The following ISM1 variants were observed in gnomAD, a reference collection of about 807,000 sequenced individuals.
ISM1 encodes the protein isthmin 1.
A neutral mutation model predicts 46.3 loss-of-function variants in ISM1; 25 were observed. The ratio of observed to expected loss-of-function variants is 0.54; its 90% CI spans 0.39 to 0.75. The LOEUF (loss-of-function observed/expected upper bound fraction) is 0.75. Among genes scored for constraint, ISM1 ranks in the 30% least tolerant of loss-of-function variants. ISM1 has a pLI of 0.00. For synonymous variants in ISM1, 255 were observed against 256.7 expected (o/e 0.99, Z 0.06); for missense variants, 536 against 625.4 (o/e 0.86, Z 1.52).
chr20:13,297,962 T>G (rs2040422607), intron 5 of ISM1, among the ~76,000 whole-genome samples: 2 of 152,276 alleles, frequency 1.3e-5, no homozygotes, highest in Non-Finnish European at 1.5e-5. Flanking sequence ...ACAGCGATGG[T>G]TACATGCCTA....
chr20:13,257,573 A>ATCAG lies in ISM1; in HGVS notation c.139-12929_139-12926dup, dbSNP rs540340449. 1.5e-3 allele frequency among the ~76,000 whole-genome samples: 234 copies of ATCAG among 152,232 alleles called. 1 individual carries two copies. The highest frequency in any genetic ancestry group is 5.2e-3 in the African/African-American group (215 of 41,540). On this transcript the variant is annotated intron_variant, in intron 1 of 5. Transcript: ENST00000262487. ...TCATTCCTAACTTCTCCCCTCTCGAATCAGTGATAATCCATTGTTTTTATC... is the reference window on the plus strand; with the variant it reads ...TCATTCCTAACTTCTCCCCTCTCGAATCAGTCAGTGATAATCCATTGTTTTTATC...
intron 1 of ISM1, among the ~76,000 whole-genome samples, chr20:13,225,938 G>A (rs953433780): frequency 7.2e-5 from 11 of 151,990 alleles, no homozygotes; most frequent in African/African-American, 2.7e-4. Flanking sequence ...AGAATCCATA[G>A]GCAATAATAG....
At chr20:13,274,876 G>C (rs1335009535) in intron 2 of ISM1, among the ~76,000 whole-genome samples, 1 of 152,112 alleles carries the variant, frequency 6.6e-6, no homozygotes, top group African/African-American at 2.4e-5. Flanking sequence ...GAACAAAAAT[G>C]GTCTCAGACT....
Position 13,299,081 on chromosome 20 carries a change from C to T in ISM1, c.1017C>T (p.Asp339=), listed in dbSNP as rs1367806584. Residue 339 remains aspartate (D), a synonymous_variant, in exon 6 of 6, where the codon GAC becomes GAT. Transcript: ENST00000262487. This position sits in a 1 kb window ranked among gnomAD's most constrained non-coding sequence, Gnocchi z 5.8. ...CCTACAGCACGGCCGACATCTTCGA[C>T]CGCATCAAGCGCAAGGACTTCCGCT... ...EVAYSTADIF[D]RIKRKDFRWK... The T allele has an allele frequency of 5.6e-6, 9 of 1,613,830 alleles. No homozygotes were observed. Among genetic ancestry groups the T allele is most frequent in the Non-Finnish European group, 7.6e-6 (9 of 1,179,838 alleles).
chr20:13,286,612 C>A (rs945093187), intron 3 of ISM1, among the ~76,000 whole-genome samples: 12 of 152,252 alleles, frequency 7.9e-5, no homozygotes, highest in African/African-American at 2.9e-4. Context: ...GGAGCAAGCT[C>A]TCCACTCAGA....
At chr20:13,240,266 A>C (rs2039704115) in intron 1 of ISM1, among the ~76,000 whole-genome samples, 1 of 152,248 alleles carries the variant, frequency 6.6e-6, no homozygotes, top group Non-Finnish European at 1.5e-5. Flanking sequence ...TTGATTCAGA[A>C]TAAAGGAATT....
At position 13,299,147 on chromosome 20, in the gene ISM1, C is replaced by T. The variant is rs759050270; in HGVS notation, c.1083C>T (p.Tyr361=). 1.9e-6 allele frequency: 3 copies of T among 1,612,368 alleles called. No homozygotes were observed. The Admixed American group carries it at 5.0e-5, about 27-fold the overall frequency. Residue 361 remains tyrosine, a synonymous_variant, in exon 6 of 6, where the codon TAC becomes TAT. Coordinates refer to ENST00000262487, the MANE Select transcript of ISM1 (RefSeq NM_080826.2). The surrounding 1 kb of genome is among the most constrained non-coding windows in gnomAD (Gnocchi z 5.8). ...GGCCCAAGGAGAAGCTGGAGATCTA[C>T]AAGCCCACTGCCCGGTACTGCATCC... The part of the protein sequence containing the change: ...ASGPKEKLEI[Y]KPTARYCIRS...
At chr20:13,232,149 TA>T (rs1164827764) in intron 1 of ISM1, among the ~76,000 whole-genome samples, 3 of 152,212 alleles carry the variant, frequency 2.0e-5, no homozygotes, top group African/African-American at 7.2e-5. Context: ...ATTTTATTAT[TA>T]TTTTTTTAAA....
At chr20:13,309,689 C>T in the ISM1 span, among the ~76,000 whole-genome samples, 758 of 152,152 alleles carry the variant, frequency 5.0e-3, 10 homozygotes, top group African/African-American at 0.017. Flanking sequence ...ATCTTATATT[C>T]AGAAAATCCT....
chr20:13,224,005 G>C (rs6041962), intron 1 of ISM1, among the ~76,000 whole-genome samples: 1 of 152,138 alleles, frequency 6.6e-6, no homozygotes, highest in East Asian at 1.9e-4. Context: ...AGTTCTAAAA[G>C]GGAAGTGGAC....
In ISM1 at chr20:13,299,627, G is replaced by A. The variant is rs1336076222; in HGVS notation, c.*168G>A. 5.8e-6 allele frequency: 4 copies of A among 689,022 alleles called. No individual in the cohort carries two copies. The highest frequency in any genetic ancestry group is 2.3e-5 in the South Asian group (1 of 42,688). 42.7% of individuals were successfully genotyped at this position (689,022 alleles called of 1,614,324 possible). A position where few individuals can be genotyped will look rare whatever the true frequency, so the allele number is the denominator to read the frequency against. On this transcript the variant is annotated 3_prime_UTR_variant, in exon 6 of 6. Coordinates refer to ENST00000262487, the MANE Select transcript of ISM1 (RefSeq NM_080826.2). The surrounding 1 kb of genome is among the most constrained non-coding windows in gnomAD (Gnocchi z 5.8). ...GCTAGGGGCGTGTGCCACGCCCAGG[G>A]GACTGCCTTGTGAAGCCGCCCTCGC... is the stretch of plus-strand genomic sequence containing the variant.
chr20:13,324,129 G>C, the ISM1 span, among the ~76,000 whole-genome samples: 1 of 152,168 alleles, frequency 6.6e-6, no homozygotes, highest in East Asian at 1.9e-4. Flanking sequence ...ACTATCCCTG[G>C]GACCTAGCTG....
Position 13,298,943 on chromosome 20 carries a change from CACAG to C in ISM1, c.884_887del (p.Asp295AlafsTer6). ...GGGTTTCTCTTTGGCCTTTTCCAGA[CACAG>C]ACAGCTGTGAGCGCTGGATGAGCTG... On this transcript the variant is annotated frameshift_variant and splice_region_variant, in exon 6 of 6. Coordinates refer to ENST00000262487, the MANE Select transcript of ISM1 (RefSeq NM_080826.2). LOFTEE classifies it high-confidence loss of function. 1 of 1,612,710 alleles carries C rather than the reference CACAG, an allele frequency of 6.2e-7. No individual in the cohort carries two copies. Among genetic ancestry groups the C allele is most frequent in the South Asian group, 1.1e-5 (1 of 90,792 alleles).
chr20:13,305,219 A>G (rs1027123284), downstream of ISM1, among the ~76,000 whole-genome samples: 1 of 132,622 alleles, frequency 7.5e-6, no homozygotes, highest in East Asian at 2.2e-4. Context: ...AAAAAAAAAA[A>G]CCCTTAATTT....
chr20:13,296,014 T>C (rs1017777025), intron 5 of ISM1, among the ~76,000 whole-genome samples: 13 of 152,210 alleles, frequency 8.5e-5, no homozygotes, highest in African/African-American at 3.1e-4. Flanking sequence ...TGACTTCCCC[T>C]GCTAGAAATG....
chr20:13,250,779 G>T (rs1281698748), intron 1 of ISM1, among the ~76,000 whole-genome samples: 1 of 152,164 alleles, frequency 6.6e-6, no homozygotes, highest in East Asian at 1.9e-4. Flanking sequence ...TGAGTAAATG[G>T]ATACATGCCC....
At chr20:13,278,180 G>A (rs2040201991) in intron 2 of ISM1, among the ~76,000 whole-genome samples, 2 of 152,198 alleles carry the variant, frequency 1.3e-5, no homozygotes, top group Non-Finnish European at 2.9e-5. Flanking sequence ...CTTTTATTAT[G>A]TTTTTTAAAC....
chr20:13,222,900 C>T (rs572693058), intron 1 of ISM1, among the ~76,000 whole-genome samples: 1 of 152,314 alleles, frequency 6.6e-6, no homozygotes, highest in South Asian at 2.1e-4. Context: ...CGGTGGCTCA[C>T]GCCTGTGATC....
intron 1 of ISM1, among the ~76,000 whole-genome samples, chr20:13,226,230 G>A (rs1424286600): frequency 6.6e-6 from 1 of 152,102 alleles, no homozygotes; most frequent in Non-Finnish European, 1.5e-5. Flanking sequence ...ATTGCCTTCA[G>A]TAAAACAGCT....
Sources: allele counts gnomAD v4.1 joint callset (sites outside exome capture counted in the v4.1 genomes callset), GRCh38; gene constraint gnomAD v4.1.1; non-coding constraint Gnocchi (gnomAD v3.1); transcripts MANE v1.5; gene names NCBI Gene and HGNC (gene_info 2026-07-23, HGNC 2026-07-21).